The following ADAMTS12 variants were observed in gnomAD, a reference collection of about 807,000 sequenced individuals.
The protein encoded by ADAMTS12 is A disintegrin and metalloproteinase with thrombospondin motifs 12.
In ADAMTS12, 118 loss-of-function variants were observed where a neutral mutation model predicts 167.8. That is an observed-to-expected ratio of 0.70 (90% CI 0.61 to 0.82). The LOEUF (loss-of-function observed/expected upper bound fraction) is 0.82, where lower values mean the gene tolerates loss of function less well. Among genes scored for constraint, ADAMTS12 ranks in the 40% least tolerant of loss-of-function variants. The probability of loss-of-function intolerance (pLI) is 0.00; values close to 1 mark genes in which losing one functional copy is unlikely to be tolerated. For synonymous variants in ADAMTS12, 704 were observed against 716.9 expected (o/e 0.98, Z 0.29); for missense variants, 1,916 against 1,998.8 (o/e 0.96, Z 0.79).
intron 2 of ADAMTS12, among the ~76,000 whole-genome samples, chr5:33,820,253 T>C (rs1747819652): frequency 1.3e-5 from 2 of 152,200 alleles, no homozygotes; most frequent in Non-Finnish European, 2.9e-5. Context: ...GATTTTGCTC[T>C]TTGCAGGGGG....
At chr5:33,849,902 AC>A (rs1749157774) in intron 2 of ADAMTS12, among the ~76,000 whole-genome samples, 1 of 151,882 alleles carries the variant, frequency 6.6e-6, no homozygotes, top group South Asian at 2.1e-4. Context: ...TATATGTATT[AC>A]CTACATATAG....
intron 9 of ADAMTS12, among the ~76,000 whole-genome samples, chr5:33,646,066 T>C (rs147029683): frequency 1.3e-5 from 2 of 152,258 alleles, no homozygotes; most frequent in African/African-American, 4.8e-5. Flanking sequence ...TTCTAGAGGT[T>C]GTGGAGAACC....
At chr5:33,682,500 TTTAAGTCTTATATATTAAGACTTACATA>T (rs1214437053) in intron 5 of ADAMTS12, among the ~76,000 whole-genome samples, 1 of 152,174 alleles carries the variant, frequency 6.6e-6, no homozygotes, top group Admixed American at 6.5e-5. Context: ...AAGACTTACA[TTTAAGTCTTATATATTAAGACTTACATA>T]TTAAGTCTTA....
At chr5:33,535,275 C>T (rs181057896) in intron 22 of ADAMTS12, among the ~76,000 whole-genome samples, 3 of 152,284 alleles carry the variant, frequency 2.0e-5, no homozygotes, top group South Asian at 2.1e-4. Context: ...TGATGCCTTT[C>T]GCCACATGGC....
intron 2 of ADAMTS12, among the ~76,000 whole-genome samples, chr5:33,802,982 C>T (rs1471272207): frequency 1.3e-5 from 2 of 152,130 alleles, no homozygotes; most frequent in South Asian, 4.1e-4. Flanking sequence ...AAAAACAACC[C>T]CTGCCCTCAG....
At chr5:33,713,208 A>G (rs1464366095) in intron 3 of ADAMTS12, among the ~76,000 whole-genome samples, 1 of 152,168 alleles carries the variant, frequency 6.6e-6, no homozygotes, top group Non-Finnish European at 1.5e-5. Flanking sequence ...TCAGGGAGCT[A>G]TACTTACACT....
intron 19 of ADAMTS12, among the ~76,000 whole-genome samples, chr5:33,569,258 G>A (rs552672302): frequency 2.6e-5 from 4 of 152,344 alleles, no homozygotes; most frequent in South Asian, 2.1e-4. Flanking sequence ...CTCCCAGCAC[G>A]CAGCTGGAGA....
chr5:33,648,808 A>T lies in ADAMTS12; in HGVS notation c.1479+14T>A. 1 of 1,613,962 alleles carries T rather than the reference A, an allele frequency of 6.2e-7. No individual in the cohort carries two copies. The highest frequency in any genetic ancestry group is 8.5e-7 in the Non-Finnish European group (1 of 1,179,896). On this transcript the variant is annotated intron_variant, in intron 9 of 23. Transcript: ENST00000504830. ...TCTGAAGCCCTGCATATAGCCACCAAGAGGTACACTTACTTCTACTTCCTG... is the reference window on the plus strand; with the variant it reads ...TCTGAAGCCCTGCATATAGCCACCATGAGGTACACTTACTTCTACTTCCTG...
chr5:33,725,505 C>T (rs1579877606), intron 3 of ADAMTS12, among the ~76,000 whole-genome samples: 1 of 152,184 alleles, frequency 6.6e-6, no homozygotes, highest in East Asian at 1.9e-4. Context: ...TCTCTGAAGT[C>T]TTTAAAGCTC....
At chr5:33,825,026 C>T (rs4866388) in intron 2 of ADAMTS12, among the ~76,000 whole-genome samples, 30,894 of 152,020 alleles carry the variant, frequency 0.2, 3,652 homozygotes, top group Non-Finnish European at 0.26. Context: ...ACTGTGCTAT[C>T]GTGTGAATGA....
At chr5:33,693,503 T>C (rs1742630700) in intron 3 of ADAMTS12, among the ~76,000 whole-genome samples, 1 of 152,220 alleles carries the variant, frequency 6.6e-6, no homozygotes, top group Admixed American at 6.5e-5. Context: ...GCCAACTTAT[T>C]ATAAAAATAG....
intron 3 of ADAMTS12, among the ~76,000 whole-genome samples, chr5:33,686,969 AGATCTTGGACTT>A (rs1389478397): frequency 6.6e-6 from 1 of 151,392 alleles, no homozygotes; most frequent in Non-Finnish European, 1.5e-5. Flanking sequence ...AGAGAGAGAG[AGATCTTGGACTT>A]GATCTTGGAC....
chr5:33,606,112 T>A (rs1321183834), intron 16 of ADAMTS12, among the ~76,000 whole-genome samples: 1 of 152,174 alleles, frequency 6.6e-6, no homozygotes, highest in African/African-American at 2.4e-5. Context: ...CACGCCTGGC[T>A]AATTTTTGTA....
At chr5:33,527,540 G>A (rs1653862053) in intron 23 of ADAMTS12, among the ~76,000 whole-genome samples, 174 bp from the exon 24 acceptor site, 1 of 152,208 alleles carries the variant, frequency 6.6e-6, no homozygotes, top group African/African-American at 2.4e-5. Context: ...TGTGCAGAGT[G>A]TTTATGCTAA....
chr5:33,615,214 C>A (rs997678707), intron 15 of ADAMTS12, among the ~76,000 whole-genome samples: 5 of 152,218 alleles, frequency 3.3e-5, no homozygotes, highest in African/African-American at 1.2e-4. Flanking sequence ...CCACGCTTGA[C>A]CTTCAGCTTC....
intron 2 of ADAMTS12, among the ~76,000 whole-genome samples, chr5:33,830,410 C>A (rs548734388): frequency 1.8e-4 from 27 of 152,236 alleles, no homozygotes; most frequent in African/African-American, 6.3e-4. Flanking sequence ...AAATGGTCAG[C>A]CTACCAAGAA....
chr5:33,597,598 C>T (rs1333194751), intron 16 of ADAMTS12, among the ~76,000 whole-genome samples: 1 of 152,172 alleles, frequency 6.6e-6, no homozygotes, highest in Admixed American at 6.5e-5. Context: ...CAGCCAAATC[C>T]CCCTGATGCC....
intron 5 of ADAMTS12, among the ~76,000 whole-genome samples, chr5:33,662,260 G>A (rs771896743): frequency 1.3e-5 from 2 of 152,040 alleles, no homozygotes; most frequent in African/African-American, 2.4e-5. Flanking sequence ...AACCTGAAGG[G>A]GAAAACTCCA....
intron 12 of ADAMTS12, 58 bp downstream of exon 12, chr5:33,637,519 C>G: frequency 1.3e-6 from 2 of 1,536,132 alleles, no homozygotes; most frequent in Non-Finnish European, 1.8e-6. Context: ...GACTGACATA[C>G]AAATGCTTTG....
Sources: gnomAD v4.1 joint callset for allele counts (sites outside exome capture counted in the v4.1 genomes callset) on GRCh38, gnomAD v4.1.1 for gene constraint, MANE v1.5 for transcripts, NCBI Gene and HGNC (gene_info 2026-07-23, HGNC 2026-07-21) for gene names.